SEMA6D: variants seen among roughly 807,000 people sequenced by gnomAD.
SEMA6D encodes the protein semaphorin 6D.
SEMA6D carries 35 observed loss-of-function variants against 106.6 expected under a neutral mutation model. The observed-to-expected ratio is 0.33, with a 90% CI of 0.25 to 0.44. The LOEUF is 0.44. SEMA6D is among the 20% of genes least tolerant of loss of function. The probability of loss-of-function intolerance (pLI) is 1.00; values close to 1 mark genes in which losing one functional copy is unlikely to be tolerated. For missense variants in SEMA6D, 1,185 were observed against 1,345.9 expected, an observed-to-expected ratio of 0.88 and a Z score of 1.87; for synonymous variants, 499 against 487.7, an observed-to-expected ratio of 1.02 and a Z score of -0.31.
At chr15:47,304,226 G>A (rs946311293) in intron 1 of SEMA6D, among the ~76,000 whole-genome samples, 17 of 151,838 alleles carry the variant, frequency 1.1e-4, no homozygotes, top group Admixed American at 9.9e-4. Context: ...ACTTTGGGAG[G>A]CCAAGGTGGG....
intron 2 of SEMA6D, among the ~76,000 whole-genome samples, chr15:47,435,339 A>G (rs778759566): frequency 2.0e-5 from 3 of 152,098 alleles, no homozygotes. Flanking sequence ...TGTTAGTAAA[A>G]TAGAGTAGGT....
In SEMA6D at chr15:47,662,785, G is replaced by T. The variant is rs147202515; in HGVS notation, c.-55+61889G>T. Among the ~76,000 whole-genome samples the T allele has an allele frequency of 3.3e-3, 506 of 152,100 alleles. 3 individuals carry two copies. The highest frequency in any genetic ancestry group is 0.012 in the African/African-American group (487 of 41,472). On this transcript the variant is annotated intron_variant, in intron 4 of 19. Coordinates refer to the SEMA6D transcript ENST00000558014. ...TTTTAAGCAGATGGCATTTCACCTAGATTGAGGGGGTAGGTCGTGGGAGAG... is the reference window on the plus strand; with the variant it reads ...TTTTAAGCAGATGGCATTTCACCTATATTGAGGGGGTAGGTCGTGGGAGAG...
intron 1 of SEMA6D, among the ~76,000 whole-genome samples, chr15:47,217,624 A>G (rs1285361370): frequency 1.3e-5 from 2 of 150,776 alleles, no homozygotes; most frequent in African/African-American, 4.9e-5. Flanking sequence ...TGTAATAGTC[A>G]TATGTATTTT....
chr15:47,591,482 C>A (rs1368324628), intron 3 of SEMA6D, among the ~76,000 whole-genome samples: 2 of 152,108 alleles, frequency 1.3e-5, no homozygotes, highest in Non-Finnish European at 2.9e-5. Context: ...CTCCTTGCAG[C>A]CTTTCCACAT....
chr15:47,584,170 C>G (rs2076298458), intron 3 of SEMA6D, among the ~76,000 whole-genome samples: 1 of 152,146 alleles, frequency 6.6e-6, no homozygotes, highest in African/African-American at 2.4e-5. Flanking sequence ...CCAAAGTAAC[C>G]CCAGCACTTT....
chr15:47,417,829 T>C (rs1757636650), intron 2 of SEMA6D, among the ~76,000 whole-genome samples: 1 of 152,092 alleles, frequency 6.6e-6, no homozygotes, highest in South Asian at 2.1e-4. Flanking sequence ...GCATCCATTT[T>C]TTTTTTTGCA....
chr15:47,491,412 T>G (rs2043472119), intron 3 of SEMA6D, among the ~76,000 whole-genome samples: 1 of 152,204 alleles, frequency 6.6e-6, no homozygotes, highest in African/African-American at 2.4e-5. Context: ...GAGGACTACA[T>G]AGTTTGATAC....
exon 1 of SEMA6D, chr15:47,184,382 T>G (rs1893391584): frequency 6.6e-6 from 1 of 152,376 alleles, no homozygotes; most frequent in Non-Finnish European, 1.5e-5. Flanking sequence ...ACCTGCCGAG[T>G]CCGAAGCGGG....
intron 1 of SEMA6D, among the ~76,000 whole-genome samples, chr15:47,361,668 C>G (rs763544352): frequency 6.6e-6 from 1 of 152,152 alleles, no homozygotes; most frequent in African/African-American, 2.4e-5. Context: ...ATGCTCAGTG[C>G]GCATTTGAGG....
At chr15:47,428,819 A>G (rs1478783159) in intron 2 of SEMA6D, among the ~76,000 whole-genome samples, 1 of 152,018 alleles carries the variant, frequency 6.6e-6, no homozygotes, top group African/African-American at 2.4e-5. Context: ...CTCCCTGGCA[A>G]TTGGTATTTA....
chr15:47,518,947 G>A (rs1222835221), intron 3 of SEMA6D, among the ~76,000 whole-genome samples: 3 of 151,922 alleles, frequency 2.0e-5, no homozygotes, highest in East Asian at 1.9e-4. Context: ...AATAAAGGCC[G>A]GGCACAGTGG....
chr15:47,207,993 GCACACACACACACA>G (rs57079521), intron 1 of SEMA6D, among the ~76,000 whole-genome samples: 1,229 of 89,446 alleles, frequency 0.014, 15 homozygotes, highest in African/African-American at 0.026. Context: ...TGGCGCGCGC[GCACACACACACACA>G]CACACACACA....
chr15:47,188,469 C>G (rs1432248285), intron 1 of SEMA6D, among the ~76,000 whole-genome samples: 1 of 152,074 alleles, frequency 6.6e-6, no homozygotes, highest in East Asian at 1.9e-4. Flanking sequence ...TGTGTGTACT[C>G]TTGATACCTA....
chr15:47,578,104 A>G (rs2076188707), intron 3 of SEMA6D, among the ~76,000 whole-genome samples: 1 of 152,198 alleles, frequency 6.6e-6, no homozygotes, highest in South Asian at 2.1e-4. Flanking sequence ...AGATGGAGAA[A>G]GTGAGCTACA....
chr15:47,767,780 A>G (rs1354562448), intron 17 of SEMA6D, among the ~76,000 whole-genome samples: 2 of 152,236 alleles, frequency 1.3e-5, no homozygotes, highest in Non-Finnish European at 2.9e-5. Context: ...GGAGGAAATC[A>G]GTACTAGACA....
intron 4 of SEMA6D, among the ~76,000 whole-genome samples, chr15:47,668,541 C>A (rs1239756237): frequency 6.6e-6 from 1 of 152,166 alleles, no homozygotes; most frequent in African/African-American, 2.4e-5. Flanking sequence ...AGCTTCCATT[C>A]CCCCTTCTCT....
chr15:47,449,604 A>G (rs2042128289), intron 2 of SEMA6D, among the ~76,000 whole-genome samples: 1 of 152,082 alleles, frequency 6.6e-6, no homozygotes, highest in African/African-American at 2.4e-5. Context: ...TATGAGAAAA[A>G]AAAAGTATCC....
intron 4 of SEMA6D, among the ~76,000 whole-genome samples, chr15:47,671,499 A>T (rs2078136748): frequency 6.6e-6 from 1 of 152,206 alleles, no homozygotes; most frequent in African/African-American, 2.4e-5. Context: ...AGGAAAAGTG[A>T]TGATGACCAC....
At chr15:47,542,726 A>C (rs548839962) in intron 3 of SEMA6D, among the ~76,000 whole-genome samples, 65 of 152,302 alleles carry the variant, frequency 4.3e-4, no homozygotes, top group African/African-American at 1.5e-3. Flanking sequence ...ACTATATAGA[A>C]TATGCCAGTG....
Sources: gnomAD v4.1 joint callset for allele counts (sites outside exome capture counted in the v4.1 genomes callset) on GRCh38, gnomAD v4.1.1 for gene constraint, MANE v1.5 for transcripts, NCBI Gene and HGNC (gene_info 2026-07-23, HGNC 2026-07-21) for gene names.